The following FMN2 variants were observed in gnomAD, a reference collection of about 807,000 sequenced individuals.
FMN2 encodes formin-2.
In FMN2, 51 loss-of-function variants were observed where a neutral mutation model predicts 142.3. That is an observed-to-expected ratio of 0.36 (90% CI 0.29 to 0.45). The LOEUF (loss-of-function observed/expected upper bound fraction) is 0.45. Ranked by LOEUF, FMN2 falls within the 20% of genes least tolerant of loss-of-function variation. The pLI is 1.00. For synonymous variants in FMN2, 882 were observed against 869.8 expected (o/e 1.01, Z -0.25); for missense variants, 1,936 against 2,122.8 (o/e 0.91, Z 1.73).
chr1:240,132,393 A>C (rs1662776252), intron 2 of FMN2, among the ~76,000 whole-genome samples: 1 of 152,154 alleles, frequency 6.6e-6, no homozygotes, highest in South Asian at 2.1e-4. Flanking sequence ...TGTAGTGAGA[A>C]TATAGAGAGA....
At chr1:240,184,075 T>C (rs985253375) in intron 3 of FMN2, among the ~76,000 whole-genome samples, 1 of 152,076 alleles carries the variant, frequency 6.6e-6, no homozygotes, top group Non-Finnish European at 1.5e-5. Context: ...CTTCTCTCTG[T>C]AAATACACAG....
chr1:240,195,011 A>C (rs1050278082), intron 4 of FMN2, among the ~76,000 whole-genome samples: 2 of 152,204 alleles, frequency 1.3e-5, no homozygotes, highest in African/African-American at 2.4e-5. Context: ...CTGGCACTCA[A>C]AATGTTAGCT....
In FMN2 at chr1:240,093,228, C is replaced by A. The variant is rs766178868; in HGVS notation, c.1119C>A (p.Asp373Glu). ...GEEWAPEVGE[D>E]APQRLGEEPE... The stretch of plus-strand genomic sequence containing the variant: ...AGTGGGCCCCGGAGGTGGGAGAGGA[C>A]GCCCCGCAGAGGCTGGGGGAAGAGC... Residue 373 changes from aspartate (D) to glutamate (E), a missense_variant, in exon 1 of 18, where the codon GAC becomes GAA. Physicochemically the swap from Asp to Glu is conservative, Grantham distance 45. This residue lies in a region of FMN2 where 751 missense variants were observed against 791.8 expected (regional missense o/e 0.95). Transcript: ENST00000319653. 2 of 1,533,360 alleles carry A rather than the reference C, an allele frequency of 1.3e-6. No individual in the cohort carries two copies. The highest frequency in any genetic ancestry group is 1.8e-6 in the Non-Finnish European group (2 of 1,141,938). The allele number at this position is 1,533,360 out of a possible 1,614,324, so 95.0% of individuals were successfully genotyped here. A position where few individuals can be genotyped will look rare whatever the true frequency, so the allele number is the denominator to read the frequency against.
intron 16 of FMN2, among the ~76,000 whole-genome samples, chr1:240,469,496 T>A (rs1676741915): frequency 6.6e-6 from 1 of 152,172 alleles, no homozygotes; most frequent in Non-Finnish European, 1.5e-5. Context: ...AACTCTTGCC[T>A]CCATACAGGA....
At chr1:240,329,498 T>C (rs751909450) in intron 10 of FMN2, 30 bp downstream of exon 10, 1 of 1,605,894 alleles carries the variant, frequency 6.2e-7, no homozygotes, top group Non-Finnish European at 8.5e-7. Context: ...GAGCTGAACT[T>C]GAGTCTCATT....
chr1:240,159,884 GAGATATATATATATATCTGTGT>G (rs1350722223), intron 2 of FMN2, among the ~76,000 whole-genome samples: 1 of 132,998 alleles, frequency 7.5e-6, no homozygotes, highest in Non-Finnish European at 1.6e-5. Context: ...CATACATGGA[GAGATATATATATATATCTGTGT>G]ATATATATAT....
At chr1:240,113,843 G>A (rs1346441299) in intron 1 of FMN2, among the ~76,000 whole-genome samples, 1 of 152,164 alleles carries the variant, frequency 6.6e-6, no homozygotes, top group African/African-American at 2.4e-5. Flanking sequence ...CCACCACAGC[G>A]ATTTTGACTC....
chr1:240,269,051 T>C, intron 7 of FMN2, among the ~76,000 whole-genome samples: 1 of 152,070 alleles, frequency 6.6e-6, no homozygotes, highest in East Asian at 1.9e-4. Context: ...CATTTTGATT[T>C]GATGCCATCC....
chr1:240,421,023 A>G (rs1258141393), intron 15 of FMN2, among the ~76,000 whole-genome samples: 1 of 152,208 alleles, frequency 6.6e-6, no homozygotes, highest in Admixed American at 6.5e-5. Context: ...CTGCAGTGCA[A>G]TTATAAGAAA....
At chr1:240,224,251 C>T (rs375309564) in intron 6 of FMN2, among the ~76,000 whole-genome samples, 42 of 152,240 alleles carry the variant, frequency 2.8e-4, no homozygotes, top group African/African-American at 9.6e-4. Context: ...ACCCAGTAGT[C>T]GTTCAGGAGC....
At position 240,208,071 on chromosome 1, in the gene FMN2, C is replaced by T; in HGVS notation, c.3259C>T (p.Pro1087Ser). The change falls in exon 5 of 18, where the codon CCA (proline) becomes TCA (serine). Residue 1087 changes from proline (P) to serine (S), a missense_variant. Around this residue, in one of 8 missense-constraint regions of FMN2, gnomAD observed 56 missense variants for 111.8 expected, o/e 0.50. Coordinates refer to ENST00000319653, the MANE Select transcript of FMN2 (RefSeq NM_020066.5). ...CCCACTTCCCGGAGCGGGCATACCC[C>T]CACCTCCCCCTCTACCCGGAGCGGG... ...PPPLPGAGIPPPPPLPGAGIP... is the reference protein window; with the variant it reads ...PPPLPGAGIPSPPPLPGAGIP... The T allele has an allele frequency of 1.5e-6, 1 of 675,908 alleles. No individual in the cohort carries two copies. The highest frequency in any genetic ancestry group is 2.5e-6 in the Non-Finnish European group (1 of 399,188). 41.9% of individuals were successfully genotyped at this position (675,908 alleles called of 1,614,324 possible).
intron 2 of FMN2, among the ~76,000 whole-genome samples, chr1:240,141,765 A>G (rs1663194426): frequency 6.6e-6 from 1 of 152,184 alleles, no homozygotes; most frequent in Non-Finnish European, 1.5e-5. Flanking sequence ...TGAAGGGGAC[A>G]GGATAGTTGC....
intron 8 of FMN2, among the ~76,000 whole-genome samples, chr1:240,313,469 A>G (rs1490197612): frequency 2.0e-5 from 3 of 152,182 alleles, no homozygotes; most frequent in Admixed American, 2.0e-4. Flanking sequence ...GGAAGTACAT[A>G]TTTGTTAAGG....
chr1:240,358,553 G>T (rs1672352814), intron 14 of FMN2, among the ~76,000 whole-genome samples: 1 of 152,102 alleles, frequency 6.6e-6, no homozygotes, highest in African/African-American at 2.4e-5. Flanking sequence ...AGCACGTCTG[G>T]GGAGGCCTCA....
intron 14 of FMN2, among the ~76,000 whole-genome samples, chr1:240,390,122 A>C (rs1338957143): frequency 6.6e-6 from 1 of 152,062 alleles, no homozygotes; most frequent in African/African-American, 2.4e-5. Flanking sequence ...TGAATTGTTG[A>C]CTCTACATCA....
At chr1:240,238,325 T>A (rs140732898) in intron 6 of FMN2, among the ~76,000 whole-genome samples, 26 of 152,324 alleles carry the variant, frequency 1.7e-4, no homozygotes, top group South Asian at 4.1e-4. Context: ...ACTTGAAATA[T>A]GTTTAACATT....
intron 2 of FMN2, among the ~76,000 whole-genome samples, chr1:240,174,332 G>A (rs1664827079): frequency 6.6e-6 from 1 of 152,088 alleles, no homozygotes; most frequent in South Asian, 2.1e-4. Context: ...AGAGTGGAGA[G>A]GGCATTACAT....
intron 7 of FMN2, among the ~76,000 whole-genome samples, chr1:240,288,625 C>T (rs1226048159): frequency 6.6e-6 from 1 of 151,998 alleles, no homozygotes; most frequent in Non-Finnish European, 1.5e-5. Flanking sequence ...TATATGTGGG[C>T]TACACTCACG....
intron 3 of FMN2, among the ~76,000 whole-genome samples, chr1:240,184,236 C>CTTTTTTTTTTTTTTTTTTTTTT (rs34050336): frequency 2.5e-5 from 2 of 79,450 alleles, no homozygotes; most frequent in South Asian, 5.8e-4. Context: ...AATATTTAAC[C>CTTTTTTTTTTTTTTTTTTTTTT]TTTTTTTTTT....
Sources: gnomAD v4.1 joint callset for allele counts (sites outside exome capture counted in the v4.1 genomes callset) on GRCh38, gnomAD v4.1.1 for gene constraint, gnomAD v4.1.1 regional missense constraint, MANE v1.5 for transcripts, NCBI Gene and HGNC (gene_info 2026-07-23, HGNC 2026-07-21) for gene names.